The following SMAP2 variants were observed in gnomAD, a reference collection of about 807,000 sequenced individuals.
SMAP2 encodes small ArfGAP2, also known as stromal membrane-associated protein 2.
A neutral mutation model predicts 56.4 loss-of-function variants in SMAP2; 25 were observed. The observed-to-expected ratio is 0.44, with a 90% confidence interval of 0.32 to 0.62. The LOEUF (loss-of-function observed/expected upper bound fraction) is 0.62. Among genes scored for constraint, SMAP2 ranks in the 20% least tolerant of loss-of-function variants. The probability of loss-of-function intolerance (pLI) is 0.04; values close to 1 mark genes in which losing one functional copy is unlikely to be tolerated. For synonymous variants in SMAP2, 157 were observed against 181.7 expected, an observed-to-expected ratio of 0.86 and a Z score of 1.09; for missense variants, 388 against 545.6, an observed-to-expected ratio of 0.71 and a Z score of 2.88.
At chr1:40,400,098 G>T (rs1433566833) in intron 1 of SMAP2, among the ~76,000 whole-genome samples, 1 of 152,152 alleles carries the variant, frequency 6.6e-6, no homozygotes, top group Non-Finnish European at 1.5e-5. Flanking sequence ...TGATGTATAG[G>T]AGTTGGCCAG....
intron 3 of SMAP2, among the ~76,000 whole-genome samples, chr1:40,409,089 C>A (rs1007494785): frequency 3.3e-5 from 5 of 152,170 alleles, no homozygotes; most frequent in Non-Finnish European, 7.4e-5. Context: ...TGGCAGTCAG[C>A]AAAATTGCCA....
intron 1 of SMAP2, among the ~76,000 whole-genome samples, chr1:40,348,268 T>G (rs1404417980): frequency 6.6e-6 from 1 of 152,216 alleles, no homozygotes. Context: ...GCGTTTGATA[T>G]GTATTTCTGA....
intron 1 of SMAP2, among the ~76,000 whole-genome samples, chr1:40,390,165 G>A (rs1444065330): frequency 6.6e-6 from 1 of 152,138 alleles, no homozygotes; most frequent in Non-Finnish European, 1.5e-5. Flanking sequence ...CTGATATTCT[G>A]CACACCACTG....
chr1:40,416,864 G>A lies in SMAP2; in HGVS notation c.932G>A (p.Gly311Glu). ...GTTACACCTCCTAACAGCATAATGGGGAGCATGATGCCTCCACCAGTAGGC... is the reference window on the plus strand; with the variant it reads ...GTTACACCTCCTAACAGCATAATGGAGAGCATGATGCCTCCACCAGTAGGC... ...PGVTPPNSIM[G>E]SMMPPPVGMV... is the part of the protein sequence containing the mutation. The change falls in exon 9 of 10, where the codon GGG becomes GAG. Residue 311 changes from glycine (G) to glutamate (E), a missense_variant. By Grantham distance (98) the Gly-to-Glu change is moderately conservative. Coordinates refer to ENST00000372718, the MANE Select transcript of SMAP2 (RefSeq NM_022733.3). 1 of 1,614,116 alleles carries A rather than the reference G, an allele frequency of 6.2e-7. No individual in the cohort carries two copies. The highest frequency in any genetic ancestry group is 8.5e-7 in the Non-Finnish European group (1 of 1,179,994).
At position 40,374,609 on chromosome 1, in the gene SMAP2, GT is replaced by G; in HGVS notation, c.103+387del. The G allele has an allele frequency of 7.2e-7, 1 of 1,395,666 alleles. No homozygotes were observed. Among genetic ancestry groups the G allele is most frequent in the Non-Finnish European group, 9.9e-7 (1 of 1,008,694 alleles). 86.5% of individuals were successfully genotyped at this position (1,395,666 alleles called of 1,614,324 possible). A position where few individuals can be genotyped will look rare whatever the true frequency, so the allele number is the denominator to read the frequency against. Reference sequence around the variant, plus strand: ...CGTGCGTGCGTGCGTGTGTGTGTGTGTGTGTGTGTGTGTGTGAGAGAGAGAG... The same window carrying G: ...CGTGCGTGCGTGCGTGTGTGTGTGTGGTGTGTGTGTGTGTGAGAGAGAGAG... On this transcript the variant is annotated intron_variant, in intron 1 of 9. Transcript: ENST00000372718. This position sits in a 1 kb window ranked among gnomAD's most constrained non-coding sequence, Gnocchi z 5.9.
intron 1 of SMAP2, among the ~76,000 whole-genome samples, chr1:40,397,802 G>T (rs1025740965): frequency 2.6e-5 from 4 of 152,108 alleles, no homozygotes; most frequent in Non-Finnish European, 5.9e-5. Flanking sequence ...GAAAGTTAGG[G>T]TTTATTCCAT....
In SMAP2 at chr1:40,408,720, G is replaced by A. The variant is rs776005386; in HGVS notation, c.305G>A (p.Arg102Gln). Residue 102 changes from arginine (R) to glutamine (Q), a missense_variant, in exon 3 of 10, where the codon CGG (arginine) becomes CAG (glutamine). Arg to Gln is a conservative substitution (Grantham distance 43). Transcript: ENST00000372718. This position sits in a 1 kb window ranked among gnomAD's most constrained non-coding sequence, Gnocchi z 4.3. ...LYEAYLPETF[R>Q]RPQIDPAVEG... ...GAAGCCTATCTTCCTGAGACCTTTCGGCGACCTCAGATAGACCCGTATCTT... is the reference window on the plus strand; with the variant it reads ...GAAGCCTATCTTCCTGAGACCTTTCAGCGACCTCAGATAGACCCGTATCTT... 9.9e-6 allele frequency: 16 copies of A among 1,613,626 alleles called. No homozygotes were observed. Among genetic ancestry groups the A allele is most frequent in the Admixed American group, 3.3e-5 (2 of 59,984 alleles).
chr1:40,416,836 G>A lies in SMAP2; in HGVS notation c.904G>A (p.Gly302Arg), dbSNP rs772159389. 2.2e-5 allele frequency: 35 copies of A among 1,611,986 alleles called. No individual in the cohort carries two copies. The highest frequency in any genetic ancestry group is 2.5e-5 in the Non-Finnish European group (29 of 1,178,338). ...TCCCACAGCCTACCCCAGCTTCCCC[G>A]GGGTTACACCTCCTAACAGCATAAT... ...AYPTAYPSFP[G>R]VTPPNSIMGS... is the part of the protein sequence containing the mutation. The change falls in exon 9 of 10, where the codon GGG (glycine) becomes AGG (arginine). Residue 302 changes from glycine to arginine, a missense_variant. Gly to Arg is a moderately radical substitution (Grantham distance 125). Transcript: ENST00000372718.
chr1:40,356,650 G>C (rs1384062328), intron 1 of SMAP2, among the ~76,000 whole-genome samples: 1 of 152,212 alleles, frequency 6.6e-6, no homozygotes, highest in East Asian at 1.9e-4. Flanking sequence ...AACTTTGTGA[G>C]CCGCCCGCCT....
chr1:40,419,586 A>C (rs1645023360), intron 9 of SMAP2, among the ~76,000 whole-genome samples: 1 of 152,202 alleles, frequency 6.6e-6, no homozygotes, highest in Non-Finnish European at 1.5e-5. Context: ...CGCCCAGCTG[A>C]GAATTTTTAA....
In SMAP2 at chr1:40,373,984, G is replaced by A; in HGVS notation, c.-137G>A. ...CCGACCCGGGAAGGGGCGTCCGGCG[G>A]GGCCGGAGGAGAGGGCTCTCCCCGC... On this transcript the variant is annotated 5_prime_UTR_variant, in exon 1 of 10. Coordinates refer to ENST00000372718, the MANE Select transcript of SMAP2 (RefSeq NM_022733.3). 3.2e-6 allele frequency: 2 copies of A among 632,528 alleles called. No individual in the cohort carries two copies. Among genetic ancestry groups the A allele is most frequent in the Non-Finnish European group, 5.6e-6 (2 of 359,414 alleles). 39.2% of individuals were successfully genotyped at this position (632,528 alleles called of 1,614,324 possible).
rs867340611 is a variant in SMAP2 at position 40,386,741 on chromosome 1, T to G, written c.103+12518T>G. On this transcript the variant is annotated intron_variant, in intron 1 of 9. Coordinates refer to ENST00000372718, the MANE Select transcript of SMAP2 (RefSeq NM_022733.3). This position sits in a 1 kb window ranked among gnomAD's most constrained non-coding sequence, Gnocchi z 4.1. Reference sequence around the variant, plus strand: ...TAATCTAAACATCAGTAAATGCTGGTTTTTTTTAAAACAACAACAACTTTA... The same window carrying G: ...TAATCTAAACATCAGTAAATGCTGGGTTTTTTTAAAACAACAACAACTTTA... 2.5e-4 allele frequency among the ~76,000 whole-genome samples: 27 copies of G among 107,044 alleles called. No individual in the cohort carries two copies. The highest frequency in any genetic ancestry group is 4.8e-3 in the Middle Eastern group (1 of 210). 70.2% of individuals were successfully genotyped at this position (107,044 alleles called of 152,430 possible).
intron 1 of SMAP2, among the ~76,000 whole-genome samples, chr1:40,399,340 A>G (rs1285143718): frequency 1.8e-4 from 4 of 21,908 alleles, no homozygotes; most frequent in Non-Finnish European, 3.9e-4. Flanking sequence ...TTGTATTTTT[A>G]GTAGAGATGG....
intron 5 of SMAP2, 112 bp from the exon 6 acceptor site, chr1:40,414,047 T>A (rs745509693): frequency 1.4e-4 from 124 of 890,892 alleles, no homozygotes; most frequent in Non-Finnish European, 2.0e-4. Flanking sequence ...TTGGTAACTC[T>A]CTTTGAATAA....
Position 40,416,103 on chromosome 1 carries a change from G to A in SMAP2, c.682-73G>A, listed in dbSNP as rs374086986. 116 of 1,412,462 alleles carry A rather than the reference G, an allele frequency of 8.2e-5. 2 individuals carry two copies. The South Asian group carries it at 1.5e-3, about 18-fold the overall frequency. The allele number at this position is 1,412,462 out of a possible 1,614,324, so 87.5% of individuals were successfully genotyped here. ...TATTGCAGATGTTAGGAGCAGCAGAGAGGGAAGGGAGACCCTTAAAGAGAC... is the reference window on the plus strand; with the variant it reads ...TATTGCAGATGTTAGGAGCAGCAGAAAGGGAAGGGAGACCCTTAAAGAGAC... On this transcript the variant is annotated intron_variant, in intron 7 of 9. Transcript: ENST00000372718.
rs910760073 is a variant in SMAP2 at position 40,386,749 on chromosome 1, A to T, written c.103+12526A>T. Among the ~76,000 whole-genome samples, 18 of 104,316 alleles carry T rather than the reference A, an allele frequency of 1.7e-4. No homozygotes were observed. The highest frequency in any genetic ancestry group is 4.8e-4 in the African/African-American group (10 of 21,010). The allele number at this position is 104,316 out of a possible 152,430, so 68.4% of individuals were successfully genotyped here. Reference sequence around the variant, plus strand: ...ACATCAGTAAATGCTGGTTTTTTTTAAAACAACAACAACTTTATCTTTTAT... The same window carrying T: ...ACATCAGTAAATGCTGGTTTTTTTTTAAACAACAACAACTTTATCTTTTAT... On this transcript the variant is annotated intron_variant, in intron 1 of 9. Transcript: ENST00000372718. The surrounding 1 kb of genome is among the most constrained non-coding windows in gnomAD (Gnocchi z 4.1).
intron 1 of SMAP2, among the ~76,000 whole-genome samples, chr1:40,356,679 G>A (rs1194696206): frequency 1.3e-5 from 2 of 152,176 alleles, no homozygotes; most frequent in African/African-American, 2.4e-5. Flanking sequence ...CAAAGTGCTG[G>A]GATTACAGGC....
At chr1:40,356,449 C>T (rs1274479325) in intron 1 of SMAP2, among the ~76,000 whole-genome samples, 3 of 141,466 alleles carry the variant, frequency 2.1e-5, no homozygotes, top group South Asian at 2.2e-4. Flanking sequence ...CTCGCTCTGT[C>T]GCCTAGGCTG....
At chr1:40,404,424 C>A (rs914880120) in intron 1 of SMAP2, among the ~76,000 whole-genome samples, 2 of 152,146 alleles carry the variant, frequency 1.3e-5, no homozygotes, top group Non-Finnish European at 2.9e-5. Context: ...TTCAGAGTCA[C>A]CCCAAGGCTC....
Sources: allele counts gnomAD v4.1 joint callset (sites outside exome capture counted in the v4.1 genomes callset), GRCh38; gene constraint gnomAD v4.1.1; non-coding constraint Gnocchi (gnomAD v3.1); transcripts MANE v1.5; gene names NCBI Gene and HGNC (gene_info 2026-07-23, HGNC 2026-07-21).